The following C22orf23 variants were observed in gnomAD, a reference collection of about 807,000 sequenced individuals.
C22orf23 encodes UPF0193 protein EVG1.
In C22orf23, 30 loss-of-function variants were observed where a neutral mutation model predicts 29.7. That is an observed-to-expected ratio of 1.01 (90% CI 0.76 to 1.37). The LOEUF (loss-of-function observed/expected upper bound fraction) is 1.37. Ranked by LOEUF, C22orf23 falls within the 40% of genes most tolerant of loss-of-function variation. The pLI is 0.00. For missense variants in C22orf23, 237 were observed against 273.1 expected, an observed-to-expected ratio of 0.87 and a Z score of 0.93; for synonymous variants, 90 against 96.1, an observed-to-expected ratio of 0.94 and a Z score of 0.37.
intron 4 of C22orf23, among the ~76,000 whole-genome samples, chr22:37,946,473 G>T (rs933952469): frequency 3.3e-5 from 5 of 151,618 alleles, no homozygotes; most frequent in African/African-American, 7.3e-5. Context: ...CTATTCTGGA[G>T]ACTGAGGCAG....
At chr22:37,949,284 GTT>G (rs1215001658) in intron 3 of C22orf23, among the ~76,000 whole-genome samples, 7 of 129,312 alleles carry the variant, frequency 5.4e-5, no homozygotes, top group East Asian at 2.2e-4. Context: ...CCCATCCATT[GTT>G]TTTTTTTTTT....
intron 6 of C22orf23, 63 bp from the exon 7 acceptor site, chr22:37,944,309 AG>A: frequency 6.2e-7 from 1 of 1,613,790 alleles, no homozygotes; most frequent in Non-Finnish European, 8.5e-7. Flanking sequence ...CTGTCACAGC[AG>A]TGAGCTAGAG....
At chr22:37,950,594 C>T (rs1156528016) in intron 3 of C22orf23, among the ~76,000 whole-genome samples, 1 of 152,016 alleles carries the variant, frequency 6.6e-6, no homozygotes, top group African/African-American at 2.4e-5. Context: ...GTTGGCACCA[C>T]CACACCTGGC....
At chr22:37,950,588 G>T (rs1410892906) in intron 3 of C22orf23, among the ~76,000 whole-genome samples, 1 of 151,962 alleles carries the variant, frequency 6.6e-6, no homozygotes, top group Non-Finnish European at 1.5e-5. Flanking sequence ...CTACAGGTTG[G>T]CACCACCACA....
rs767697484 is a variant in C22orf23 at position 37,947,447 on chromosome 22, G to A, written c.183C>T (p.Pro61=). 1.3e-6 allele frequency: 2 copies of A among 1,589,112 alleles called. No individual in the cohort carries two copies. Among genetic ancestry groups the A allele is most frequent in the South Asian group, 1.1e-5 (1 of 88,618 alleles). The change falls in exon 4 of 7, where the codon CCC becomes CCT. Residue 61 remains proline (P), a synonymous_variant. Coordinates refer to ENST00000403305, the MANE Select transcript of C22orf23 (RefSeq NM_032561.5). ...MDIMKRGDAL[P]LQCSPTSSQR... ...GGCTGGATGTTGGGCTGCACTGTAG[G>A]GGCAAAGCATCTCCTCCTGGGGAAC...
At chr22:37,947,959 T>A (rs1930801212) in intron 3 of C22orf23, among the ~76,000 whole-genome samples, 1 of 151,552 alleles carries the variant, frequency 6.6e-6, no homozygotes, top group Non-Finnish European at 1.5e-5. Context: ...TACAAAAAAT[T>A]AGCTGGGCGT....
In C22orf23 at chr22:37,947,421, T is replaced by C; in HGVS notation, c.209A>G (p.Gln70Arg). 1 of 1,603,564 alleles carries C rather than the reference T, an allele frequency of 6.2e-7. No individual in the cohort carries two copies. The highest frequency in any genetic ancestry group is 1.1e-5 in the South Asian group (1 of 90,548). ...LPLQCSPTSS[Q>R]RVLPSKQIAS... is the part of the protein sequence containing the mutation. ...TATTTGCTTGGAAGGTAAGACTCTC[T>C]GGCTGGATGTTGGGCTGCACTGTAG... is the stretch of plus-strand genomic sequence containing the variant. Residue 70 changes from glutamine (Q) to arginine (R), a missense_variant, in exon 4 of 7, where the codon CAG becomes CGG. By Grantham distance (43) the Gln-to-Arg change is conservative. Coordinates refer to ENST00000403305, the MANE Select transcript of C22orf23 (RefSeq NM_032561.5).
At chr22:37,944,309 A>G (rs1227808417) in intron 6 of C22orf23, 63 bp from the exon 7 acceptor site, 5 of 1,613,672 alleles carry the variant, frequency 3.1e-6, no homozygotes, top group Non-Finnish European at 4.2e-6. Context: ...CTGTCACAGC[A>G]GTGAGCTAGA....
chr22:37,953,566 C>G lies in C22orf23; in HGVS notation c.-128G>C. The G allele has an allele frequency of 1.7e-6, 1 of 587,638 alleles. No individual in the cohort carries two copies. The highest frequency in any genetic ancestry group is 2.9e-6 in the Non-Finnish European group (1 of 339,926). 36.4% of individuals were successfully genotyped at this position (587,638 alleles called of 1,614,324 possible). A position where few individuals can be genotyped will look rare whatever the true frequency, so the allele number is the denominator to read the frequency against. On this transcript the variant is annotated 5_prime_UTR_variant, in exon 1 of 7. Coordinates refer to ENST00000403305, the MANE Select transcript of C22orf23 (RefSeq NM_032561.5). The stretch of plus-strand genomic sequence containing the variant: ...ACGCAGAAATACTGCGCGATCTGGG[C>G]TGCTGGAGCTGGCAGCTAGCGCCTC...
chr22:37,952,963 C>G (rs1931153936), intron 2 of C22orf23, 84 bp downstream of exon 2: 1 of 948,052 alleles, frequency 1.1e-6, no homozygotes, highest in African/African-American at 1.6e-5. Context: ...CCATTCCCCA[C>G]ACCTCCGTCA....
intron 2 of C22orf23, among the ~76,000 whole-genome samples, chr22:37,952,104 C>T (rs1004423535): frequency 3.3e-5 from 5 of 152,058 alleles, no homozygotes; most frequent in African/African-American, 1.2e-4. Flanking sequence ...TTTGAGCCAC[C>T]TCATTTTCTT....
intron 4 of C22orf23, among the ~76,000 whole-genome samples, chr22:37,947,001 G>T (rs1930737535): frequency 6.6e-6 from 1 of 151,944 alleles, no homozygotes; most frequent in Admixed American, 6.6e-5. Flanking sequence ...GAGAGGTTAG[G>T]CTGTGGCATT....
Position 37,951,486 on chromosome 22 carries a change from T to G in C22orf23, c.140A>C (p.Gln47Pro). The change falls in exon 3 of 7, where the codon CAG becomes CCG. Residue 47 changes from glutamine to proline, a missense_variant. Gln to Pro is a moderately conservative substitution (Grantham distance 76). Coordinates refer to ENST00000403305, the MANE Select transcript of C22orf23 (RefSeq NM_032561.5). ...MKESKLTNIQ[Q>P]RHIMDIMKRG... ...TTTCATGATGTCCATGATGTGGCGCTGCTGGATGTTCGTCAGTTTGGATTC... is the reference window on the plus strand; with the variant it reads ...TTTCATGATGTCCATGATGTGGCGCGGCTGGATGTTCGTCAGTTTGGATTC... 6.2e-7 allele frequency: 1 copy of G among 1,614,106 alleles called. No homozygotes were observed. The highest frequency in any genetic ancestry group is 8.5e-7 in the Non-Finnish European group (1 of 1,180,008).
intron 4 of C22orf23, among the ~76,000 whole-genome samples, chr22:37,946,857 A>G (rs543087841): frequency 7.3e-4 from 109 of 148,804 alleles, no homozygotes; most frequent in Middle Eastern, 6.9e-3. Context: ...CTGGGCACAG[A>G]GTAAGGCTCT....
In C22orf23 at chr22:37,947,426, G is replaced by C. The variant is rs1393574628; in HGVS notation, c.204C>G (p.Ser68=). The change falls in exon 4 of 7, where the codon TCC becomes TCG. Residue 68 remains serine (S), a synonymous_variant. Coordinates refer to ENST00000403305, the MANE Select transcript of C22orf23 (RefSeq NM_032561.5). ...GCTTGGAAGGTAAGACTCTCTGGCT[G>C]GATGTTGGGCTGCACTGTAGGGGCA... ...DALPLQCSPT[S]SQRVLPSKQI... is the part of the protein sequence containing the mutation. The C allele has an allele frequency of 2.5e-6, 4 of 1,610,906 alleles. No individual in the cohort carries two copies. The East Asian group carries it at 8.9e-5, about 36-fold the overall frequency.
intron 3 of C22orf23, 30 bp from the exon 4 acceptor site, chr22:37,947,493 C>G (rs770364491): frequency 8.1e-7 from 1 of 1,240,584 alleles, no homozygotes; most frequent in South Asian, 1.6e-5. Flanking sequence ...GGTGGGAGGA[C>G]CCACATGGCT....
chr22:37,945,809 C>CT (rs1294815211), intron 4 of C22orf23, among the ~76,000 whole-genome samples: 1 of 116,860 alleles, frequency 8.6e-6, no homozygotes, highest in Non-Finnish European at 1.7e-5. Context: ...TATCCTATCT[C>CT]TAAAAAAAAA....
At position 37,948,335 on chromosome 22, in the gene C22orf23, A is replaced by G. The variant is rs532097790; in HGVS notation, c.167-872T>C. 1.0e-3 allele frequency among the ~76,000 whole-genome samples: 154 copies of G among 151,650 alleles called. 1 individual carries two copies. The highest frequency in any genetic ancestry group is 2.2e-3 in the Admixed American group (33 of 15,228). On this transcript the variant is annotated intron_variant, in intron 3 of 6. Coordinates refer to ENST00000403305, the MANE Select transcript of C22orf23 (RefSeq NM_032561.5). ...CATTATGACGGGTGCCTGTAATCCT[A>G]GCTACTTGGGAGGCTGAGGCGGGAG...
At chr22:37,948,117 T>G (rs1448466209) in intron 3 of C22orf23, among the ~76,000 whole-genome samples, 1 of 142,748 alleles carries the variant, frequency 7.0e-6, no homozygotes, top group African/African-American at 2.6e-5. Context: ...AAAAAAAAAT[T>G]AATAGAATAA....
Sources: gnomAD v4.1 joint callset for allele counts (sites outside exome capture counted in the v4.1 genomes callset) on GRCh38, gnomAD v4.1.1 for gene constraint, MANE v1.5 for transcripts, NCBI Gene and HGNC (gene_info 2026-07-23, HGNC 2026-07-21) for gene names.